Variants in ZSWIM9 observed in about 807,000 individuals in gnomAD.
ZSWIM9 encodes the protein zinc finger SWIM-type containing 9.
ZSWIM9 carries 11 observed loss-of-function variants against 25.0 expected under a neutral mutation model. The observed-to-expected ratio is 0.44, with a 90% CI of 0.28 to 0.73. The LOEUF (loss-of-function observed/expected upper bound fraction) is 0.73, where lower values mean the gene tolerates loss of function less well. Ranked by LOEUF, ZSWIM9 falls within the 30% of genes least tolerant of loss-of-function variation. The pLI is 0.16. For synonymous variants in ZSWIM9, 562 were observed against 582.1 expected, an observed-to-expected ratio of 0.97 and a Z score of 0.50; for missense variants, 1,070 against 1,296.5, an observed-to-expected ratio of 0.83 and a Z score of 2.68.
At chr19:48,175,425 C>T (rs2036882776) in intron 2 of ZSWIM9, among the ~76,000 whole-genome samples, 1 of 152,110 alleles carries the variant, frequency 6.6e-6, no homozygotes, top group Non-Finnish European at 1.5e-5. Flanking sequence ...AGTGCCACAG[C>T]CCAGGGACAG....
chr19:48,184,495 AG>A (rs2036989142), intron 3 of ZSWIM9, among the ~76,000 whole-genome samples: 1 of 152,046 alleles, frequency 6.6e-6, no homozygotes, highest in South Asian at 2.1e-4. Context: ...TGTGTGGAAG[AG>A]GTCCCAAGGC....
intron 2 of ZSWIM9, among the ~76,000 whole-genome samples, chr19:48,176,862 G>A (rs946414649): frequency 6.6e-6 from 1 of 151,608 alleles, no homozygotes; most frequent in African/African-American, 2.4e-5. Context: ...TCAGGAGTTT[G>A]AGACCAGCCT....
rs972932091 is a variant in ZSWIM9 at position 48,171,860 on chromosome 19, C to T, written c.58C>T (p.Arg20Trp). 2 of 1,535,208 alleles carry T rather than the reference C, an allele frequency of 1.3e-6. No homozygotes were observed. Among genetic ancestry groups the T allele is most frequent in the Non-Finnish European group, 1.7e-6 (2 of 1,146,564 alleles). ...TAAGQEEQEL[R>W]ERAFFSWAEF... ...TGCGGGGCAGGAGGAGCAGGAGCTG[C>T]GGGAGCGGGCCTTCTTCTCGTGGGC... The change falls in exon 2 of 4, where the codon CGG becomes TGG. Residue 20 changes from arginine (R) to tryptophan (W), a missense_variant. Coordinates refer to ENST00000614654, the MANE Select transcript of ZSWIM9 (RefSeq NM_199341.4).
At chr19:48,178,358 G>T (rs779717192) in intron 2 of ZSWIM9, among the ~76,000 whole-genome samples, 1 of 152,124 alleles carries the variant, frequency 6.6e-6, no homozygotes, top group Non-Finnish European at 1.5e-5. Context: ...CATTTATACT[G>T]GTGGATTTAA....
intron 3 of ZSWIM9, chr19:48,191,935 G>T (rs2037098803): frequency 6.5e-6 from 1 of 154,742 alleles, no homozygotes; most frequent in East Asian, 1.9e-4. Flanking sequence ...AATCGCATGG[G>T]TGACTCCAGG....
rs1568579669 is a variant in ZSWIM9, at chr19:48,187,524, A to AT, written c.588+4758dup. 6.7e-3 allele frequency among the ~76,000 whole-genome samples: 567 copies of AT among 84,618 alleles called. 9 individuals carry two copies. Among genetic ancestry groups the AT allele is most frequent in the African/African-American group, 0.026 (534 of 20,890 alleles). The allele number at this position is 84,618 out of a possible 152,430, so 55.5% of individuals were successfully genotyped here. ...TATTATATTATATTATATATATTAT[A>AT]TATTATATTATTATTATATTATATT... On this transcript the variant is annotated intron_variant, in intron 3 of 3. Transcript: ENST00000614654.
chr19:48,182,084 A>T lies in ZSWIM9; in HGVS notation c.276-371A>T, dbSNP rs2036953504. 1 of 206,144 alleles carries T rather than the reference A, an allele frequency of 4.9e-6. No homozygotes were observed. The highest frequency in any genetic ancestry group is 1.6e-4 in the South Asian group (1 of 6,408). The allele number at this position is 206,144 out of a possible 1,614,324, so 12.8% of individuals were successfully genotyped here. A position where few individuals can be genotyped will look rare whatever the true frequency, so the allele number is the denominator to read the frequency against. On this transcript the variant is annotated intron_variant, in intron 2 of 3. Transcript: ENST00000614654. The surrounding 1 kb of genome is among the most constrained non-coding windows in gnomAD (Gnocchi z 4.6). ...TTTATTTCTAAAAAAAGTTAAGGTA[A>T]ATACAATAAAACATTCACTCACTTT... is the stretch of plus-strand genomic sequence containing the variant.
Position 48,197,455 on chromosome 19 carries a change from A to AG in ZSWIM9, c.*632dup, listed in dbSNP as rs2037182535. 1.8e-6 allele frequency: 1 copy of AG among 566,036 alleles called. No individual in the cohort carries two copies. Among genetic ancestry groups the AG allele is most frequent in the Non-Finnish European group, 3.2e-6 (1 of 314,382 alleles). The allele number at this position is 566,036 out of a possible 1,614,324, so 35.1% of individuals were successfully genotyped here. On this transcript the variant is annotated 3_prime_UTR_variant, in exon 4 of 4. Transcript: ENST00000614654. ...GGGAGACGGGTAGAGACGAAATGCA[A>AG]GGGGCGTGGTTTTGGTTTTTCTCCA...
Position 48,189,571 on chromosome 19 carries a change from C to CA in ZSWIM9, c.589-5079dup, listed in dbSNP as rs1274235767. ...CGACAGAGTGAGACTCCATCCTAAA[C>CA]AAACAAAAAAAAAAGAATAAGAACA... On this transcript the variant is annotated intron_variant, in intron 3 of 3. Coordinates refer to ENST00000614654, the MANE Select transcript of ZSWIM9 (RefSeq NM_199341.4). The CA allele has an allele frequency of 2.1e-3, 300 of 143,768 alleles. 2 individuals are homozygous for CA. Among genetic ancestry groups the CA allele is most frequent in the East Asian group, 0.011 (57 of 4,966 alleles). 8.9% of individuals were successfully genotyped at this position (143,768 alleles called of 1,614,324 possible).
chr19:48,173,392 G>T (rs1397883468), intron 2 of ZSWIM9, among the ~76,000 whole-genome samples: 2 of 152,170 alleles, frequency 1.3e-5, no homozygotes, highest in African/African-American at 2.4e-5. Flanking sequence ...TCCAACTCCT[G>T]GGTTCAAGAG....
At chr19:48,188,442 T>C (rs1212515923) in intron 3 of ZSWIM9, among the ~76,000 whole-genome samples, 1 of 151,996 alleles carries the variant, frequency 6.6e-6, no homozygotes, top group Non-Finnish European at 1.5e-5. Flanking sequence ...TTGGCCAGAA[T>C]GGTCTCGATC....
Position 48,195,353 on chromosome 19 carries a change from T to C in ZSWIM9, c.1289T>C (p.Leu430Pro), listed in dbSNP as rs1436784388. Reference protein sequence around the residue: ...SRGVAQCLRDLVAMQWADAAG... With the variant: ...SRGVAQCLRDPVAMQWADAAG... ...GGCGTGGCGCAGTGCCTTCGCGACC[T>C]GGTGGCCATGCAGTGGGCCGACGCG... The change falls in exon 4 of 4, where the codon CTG becomes CCG. Residue 430 changes from leucine (L) to proline (P), a missense_variant. Around this residue, in one of 4 missense-constraint regions of ZSWIM9, gnomAD observed 583 missense variants for 624.7 expected, o/e 0.93. Transcript: ENST00000614654. The surrounding 1 kb of genome is among the most constrained non-coding windows in gnomAD (Gnocchi z 5.8). 1 of 1,525,000 alleles carries C rather than the reference T, an allele frequency of 6.6e-7. No homozygotes were observed. The highest frequency in any genetic ancestry group is 8.8e-7 in the Non-Finnish European group (1 of 1,142,766). The allele number at this position is 1,525,000 out of a possible 1,614,324, so 94.5% of individuals were successfully genotyped here.
Position 48,190,594 on chromosome 19 carries a change from T to G in ZSWIM9, c.589-4059T>G, listed in dbSNP as rs1386576828. 3.2e-5 allele frequency: 5 copies of G among 154,920 alleles called. No homozygotes were observed. In the East Asian group the frequency reaches 9.7e-4, roughly 30 times the overall value. The allele number at this position is 154,920 out of a possible 1,614,324, so 9.6% of individuals were successfully genotyped here. On this transcript the variant is annotated intron_variant, in intron 3 of 3. Coordinates refer to ENST00000614654, the MANE Select transcript of ZSWIM9 (RefSeq NM_199341.4). ...TTGGCCAAAGCAAGTCACATGACAC[T>G]GCTTACCTGCAAGGGGGCAGGGAGG...
At chr19:48,171,348 T>C in intron 1 of ZSWIM9, 1 of 985,336 alleles carries the variant, frequency 1.0e-6, no homozygotes, top group Non-Finnish European at 1.2e-6. Flanking sequence ...TGTTGGCACA[T>C]GGAAGGAGGA....
chr19:48,182,888 G>C lies in ZSWIM9; in HGVS notation c.588+121G>C, dbSNP rs2007184. The stretch of plus-strand genomic sequence containing the variant: ...CTTCACTCCTTTCCTCCATTCATCC[G>C]TTCATTCATTCAATAAGTACTTACC... On this transcript the variant is annotated intron_variant, in intron 3 of 3. Transcript: ENST00000614654. The surrounding 1 kb of genome is among the most constrained non-coding windows in gnomAD (Gnocchi z 4.6). 3 of 753,204 alleles carry C rather than the reference G, an allele frequency of 4.0e-6. No homozygotes were observed. The highest frequency in any genetic ancestry group is 5.4e-5 in the East Asian group (2 of 36,850). 46.7% of individuals were successfully genotyped at this position (753,204 alleles called of 1,614,324 possible). A position where few individuals can be genotyped will look rare whatever the true frequency, so the allele number is the denominator to read the frequency against.
rs1204664216 is a variant in ZSWIM9 at position 48,192,889 on chromosome 19, G to T, written c.589-1764G>T. The T allele has an allele frequency of 5.9e-5, 9 of 153,750 alleles. No homozygotes were observed. In the Admixed American group the frequency reaches 5.9e-4, roughly 10 times the overall value. 9.5% of individuals were successfully genotyped at this position (153,750 alleles called of 1,614,324 possible). On this transcript the variant is annotated intron_variant, in intron 3 of 3. Coordinates refer to ENST00000614654, the MANE Select transcript of ZSWIM9 (RefSeq NM_199341.4). ...TAATTATCTAACAGCAGCACATAGG[G>T]CAGAGGCCAAGAGAGACCAGCATGA...
At position 48,190,039 on chromosome 19, in the gene ZSWIM9, C is replaced by T. The variant is rs575353325; in HGVS notation, c.589-4614C>T. Among the ~76,000 whole-genome samples the T allele has an allele frequency of 1.5e-4, 23 of 151,990 alleles. No individual in the cohort carries two copies. The South Asian group carries it at 4.6e-3, about 30-fold the overall frequency. ...CCAACATGGTGAAACCCCGTCTCTA[C>T]TAAAAATACATAAATTAGCCAGGCA... is the stretch of plus-strand genomic sequence containing the variant. On this transcript the variant is annotated intron_variant, in intron 3 of 3. Transcript: ENST00000614654.
rs1016276599 is a variant in ZSWIM9, at chr19:48,182,850, C to T, written c.588+83C>T. The T allele has an allele frequency of 2.8e-5, 27 of 953,222 alleles. No individual in the cohort carries two copies. The highest frequency in any genetic ancestry group is 1.1e-4 in the East Asian group (4 of 37,852). The allele number at this position is 953,222 out of a possible 1,614,324, so 59.0% of individuals were successfully genotyped here. ...CTCGTGGGTCATTCATGCCTTCATCCGCCCTCTCATCCCTTCACTCCTTTC... is the reference window on the plus strand; with the variant it reads ...CTCGTGGGTCATTCATGCCTTCATCTGCCCTCTCATCCCTTCACTCCTTTC... On this transcript the variant is annotated intron_variant, in intron 3 of 3. Coordinates refer to ENST00000614654, the MANE Select transcript of ZSWIM9 (RefSeq NM_199341.4). This position sits in a 1 kb window ranked among gnomAD's most constrained non-coding sequence, Gnocchi z 4.6.
chr19:48,181,958 C>T (rs951184356), intron 2 of ZSWIM9: 1 of 150,518 alleles, frequency 6.6e-6, no homozygotes, highest in Non-Finnish European at 1.4e-5. Flanking sequence ...CCTCTGGGGA[C>T]AGAGGGAAGG....
Sources: gnomAD v4.1 joint callset for allele counts (sites outside exome capture counted in the v4.1 genomes callset) on GRCh38, gnomAD v4.1.1 for gene constraint, gnomAD v4.1.1 regional missense constraint, Gnocchi (gnomAD v3.1) non-coding constraint, MANE v1.5 for transcripts, NCBI Gene and HGNC (gene_info 2026-07-23, HGNC 2026-07-21) for gene names.